Variants in SMR3B observed in about 807,000 individuals in gnomAD.
The protein encoded by SMR3B is submaxillary gland androgen-regulated protein 3B.
For missense variants in SMR3B, 114 were observed against 99.9 expected (o/e 1.14, Z -0.60); for synonymous variants, 42 against 36.1 (o/e 1.16, Z -0.59).
At chr4:70,383,536 A>C (rs1383312314) in intron 1 of SMR3B, among the ~76,000 whole-genome samples, 1 of 152,108 alleles carries the variant, frequency 6.6e-6, no homozygotes, top group Non-Finnish European at 1.5e-5. Flanking sequence ...TGTACTCTAA[A>C]AGACAGAATT....
In SMR3B at chr4:70,389,323, A is replaced by G. The variant is rs76285897; in HGVS notation, c.55-340A>G. Among the ~76,000 whole-genome samples the G allele has an allele frequency of 2.4e-3, 363 of 152,210 alleles. 2 individuals carry two copies. The highest frequency in any genetic ancestry group is 8.4e-3 in the African/African-American group (347 of 41,532). ...TTCAGTCCCTTGGTTATTGGACTGAAGCCCCTACTTCCCTGCTGCTTACGA... is the reference window on the plus strand; with the variant it reads ...TTCAGTCCCTTGGTTATTGGACTGAGGCCCCTACTTCCCTGCTGCTTACGA... On this transcript the variant is annotated intron_variant, in intron 2 of 2. Coordinates refer to ENST00000304915, the MANE Select transcript of SMR3B (RefSeq NM_006685.4).
At chr4:70,386,639 C>T (rs575385945) in intron 2 of SMR3B, among the ~76,000 whole-genome samples, 5 of 152,162 alleles carry the variant, frequency 3.3e-5, no homozygotes, top group South Asian at 4.1e-4. Context: ...TTTCTGAGTT[C>T]GTTACCTTTA....
At chr4:70,385,927 A>T (rs1732657017) in intron 2 of SMR3B, among the ~76,000 whole-genome samples, 1 of 152,068 alleles carries the variant, frequency 6.6e-6, no homozygotes, top group Non-Finnish European at 1.5e-5. Flanking sequence ...TATAATTTCA[A>T]AGTATCAGGC....
At chr4:70,389,270 T>C (rs771124424) in intron 2 of SMR3B, among the ~76,000 whole-genome samples, 6 of 152,172 alleles carry the variant, frequency 3.9e-5, no homozygotes, top group Non-Finnish European at 7.3e-5. Context: ...CAGTGTCCTT[T>C]TTTAAGCTTG....
chr4:70,386,697 A>C (rs189428560), intron 2 of SMR3B, among the ~76,000 whole-genome samples: 1 of 152,208 alleles, frequency 6.6e-6, no homozygotes, highest in Non-Finnish European at 1.5e-5. Context: ...TATACTTACT[A>C]TGAAGATTTT....
chr4:70,388,190 A>G (rs1415110454), intron 2 of SMR3B, among the ~76,000 whole-genome samples: 2 of 152,152 alleles, frequency 1.3e-5, no homozygotes, highest in Admixed American at 6.5e-5. Context: ...TCTTCTCACT[A>G]GAACAATCCT....
At position 70,390,085 on chromosome 4, in the gene SMR3B, G is replaced by A. The variant is rs553416562; in HGVS notation, c.*237G>A. On this transcript the variant is annotated 3_prime_UTR_variant, in exon 3 of 3. Coordinates refer to ENST00000304915, the MANE Select transcript of SMR3B (RefSeq NM_006685.4). The stretch of plus-strand genomic sequence containing the variant: ...ATATGAATTCCAACACTGCTTCCAA[G>A]AGACATTTACATAAAATTGCTTCCA... The A allele has an allele frequency of 1.1e-5, 9 of 843,966 alleles. No homozygotes were observed. The Admixed American group carries it at 1.5e-4, about 14-fold the overall frequency. The allele number at this position is 843,966 out of a possible 1,614,324, so 52.3% of individuals were successfully genotyped here. A position where few individuals can be genotyped will look rare whatever the true frequency, so the allele number is the denominator to read the frequency against.
chr4:70,389,663 C>T lies in SMR3B; in HGVS notation c.55C>T (p.Pro19Ser). Residue 19 changes from proline (P) to serine (S), a missense_variant and splice_region_variant, in exon 3 of 3, where the codon CCT becomes TCT. Transcript: ENST00000304915. ...AATTATTTACTTCTTATTTCCACAG[C>T]CTGGTGAGAGTCAAAGAGGCCCCAG... ...GLWALAACFTPGESQRGPRGP... is the reference protein window; with the variant it reads ...GLWALAACFTSGESQRGPRGP... The T allele has an allele frequency of 6.2e-7, 1 of 1,613,314 alleles. No homozygotes were observed.
chr4:70,386,593 C>A (rs13435533), intron 2 of SMR3B, among the ~76,000 whole-genome samples: 36,827 of 151,998 alleles, frequency 0.24, 4,993 homozygotes, highest in East Asian at 0.37. Context: ...CCTTCGAGAG[C>A]GTAGTGTTTC....
At position 70,389,780 on chromosome 4, in the gene SMR3B, A is replaced by T; in HGVS notation, c.172A>T (p.Arg58Ter). 6.2e-7 allele frequency: 1 copy of T among 1,613,734 alleles called. No homozygotes were observed. The highest frequency in any genetic ancestry group is 1.1e-5 in the South Asian group (1 of 91,066). Reference protein sequence around the residue: ...PPPPPPYGPGRIPPPPPAPYG... With the variant: ...PPPPPPYGPG ...TCCTCCTCCACCCTATGGTCCAGGG[A>T]GAATCCCACCTCCTCCTCCCGCACC... is the stretch of plus-strand genomic sequence containing the variant. The change falls in exon 3 of 3, where the codon AGA becomes TGA. Residue 58 changes from arginine (R) to a stop codon, truncating the protein, a stop_gained. Coordinates refer to ENST00000304915, the MANE Select transcript of SMR3B (RefSeq NM_006685.4). LOFTEE classifies it low-confidence loss of function (END_TRUNC).
At chr4:70,387,063 T>C (rs1395482245) in intron 2 of SMR3B, among the ~76,000 whole-genome samples, 1 of 152,082 alleles carries the variant, frequency 6.6e-6, no homozygotes, top group African/African-American at 2.4e-5. Context: ...GAAGAGCAAA[T>C]GGGAAATGAG....
chr4:70,384,463 A>C (rs1181962896), intron 1 of SMR3B, 34 bp from the exon 2 acceptor site: 11 of 1,589,670 alleles, frequency 6.9e-6, no homozygotes, highest in Admixed American at 1.8e-5. Context: ...AATAAAAAAC[A>C]ATCATACTGA....
At chr4:70,384,759 C>G (rs1243761385) in intron 2 of SMR3B, 195 bp downstream of exon 2, 38 of 1,118,190 alleles carry the variant, frequency 3.4e-5, no homozygotes, top group Non-Finnish European at 4.6e-5. Flanking sequence ...GGCTGCCATA[C>G]TGGACAGCTC....
intron 2 of SMR3B, among the ~76,000 whole-genome samples, chr4:70,387,626 ATGGTTGTG>A (rs1433367485): frequency 6.6e-6 from 1 of 152,136 alleles, no homozygotes; most frequent in Non-Finnish European, 1.5e-5. Flanking sequence ...CAATGACTCC[ATGGTTGTG>A]TGGCCAGTAA....
chr4:70,389,015 C>T (rs913665114), intron 2 of SMR3B, among the ~76,000 whole-genome samples: 4 of 152,060 alleles, frequency 2.6e-5, no homozygotes, highest in South Asian at 2.1e-4. Flanking sequence ...TGAGAGCCTA[C>T]GTATTCAGAA....
At chr4:70,385,889 T>A (rs116518247) in intron 2 of SMR3B, among the ~76,000 whole-genome samples, 1,933 of 152,246 alleles carry the variant, frequency 0.013, 18 homozygotes, top group Admixed American at 0.018. Context: ...AATATTTTTA[T>A]TCCCTCAGAA....
At chr4:70,386,289 A>G (rs943140941) in intron 2 of SMR3B, among the ~76,000 whole-genome samples, 21 of 149,774 alleles carry the variant, frequency 1.4e-4, no homozygotes, top group Admixed American at 8.0e-4. Context: ...AAAAAAAAAG[A>G]AAAAAGAAAA....
chr4:70,387,493 T>G (rs1732687723), intron 2 of SMR3B, among the ~76,000 whole-genome samples: 2 of 152,134 alleles, frequency 1.3e-5, no homozygotes, highest in Non-Finnish European at 2.9e-5. Context: ...TTCCTGCCAT[T>G]TAACTGGCTC....
In SMR3B at chr4:70,389,725, AC is replaced by A; in HGVS notation, c.119del (p.Pro40LeufsTer71). ...YPPGPLAPPQPFGPGFVPPPP... is the reference protein window; with the variant it reads ...YPPGPLAPPQXFGPGFVPPPP... ...CACCTGGACCGCTGGCTCCTCCTCA[AC>A]CTTTTGGCCCAGGATTTGTTCCACC... is the stretch of plus-strand genomic sequence containing the variant. On this transcript the variant is annotated frameshift_variant, in exon 3 of 3. Transcript: ENST00000304915. LOFTEE classifies it low-confidence loss of function (END_TRUNC). 6.2e-7 allele frequency: 1 copy of A among 1,613,890 alleles called. No individual in the cohort carries two copies. The highest frequency in any genetic ancestry group is 1.1e-5 in the South Asian group (1 of 91,046).
Sources: allele counts gnomAD v4.1 joint callset (sites outside exome capture counted in the v4.1 genomes callset), GRCh38; gene constraint gnomAD v4.1.1; transcripts MANE v1.5; gene names NCBI Gene and HGNC (gene_info 2026-07-23, HGNC 2026-07-21).